SOX6: variants seen among roughly 807,000 people sequenced by gnomAD.
SOX6 encodes the protein transcription factor SOX-6.
A neutral mutation model predicts 97.8 loss-of-function variants in SOX6; 11 were observed. That is an observed-to-expected ratio of 0.11 (90% CI 0.07 to 0.19). The LOEUF (loss-of-function observed/expected upper bound fraction) is 0.19. SOX6 is among the 10% of genes least tolerant of loss of function. SOX6 has a pLI of 1.00. For synonymous variants in SOX6, 360 were observed against 371.4 expected (o/e 0.97, Z 0.35); for missense variants, 810 against 1,039.5 (o/e 0.78, Z 3.04).
chr11:16,150,476 C>G (rs1850431173), intron 6 of SOX6, among the ~76,000 whole-genome samples: 1 of 152,052 alleles, frequency 6.6e-6, no homozygotes. Context: ...TTTTCTTGTC[C>G]ATGCAGCCTA....
At chr11:16,435,569 A>G (rs1236384936) in intron 1 of SOX6, among the ~76,000 whole-genome samples, 1 of 152,086 alleles carries the variant, frequency 6.6e-6, no homozygotes, top group Non-Finnish European at 1.5e-5. Flanking sequence ...GATTCCCTAC[A>G]GGTTTCAAAG....
intron 1 of SOX6, chr11:16,402,989 T>G: frequency 1.6e-6 from 1 of 622,690 alleles, no homozygotes. Context: ...CCCTCACAGA[T>G]GGAAGTTGGA....
chr11:16,225,336 C>T (rs899563086), intron 4 of SOX6, among the ~76,000 whole-genome samples: 1 of 151,714 alleles, frequency 6.6e-6, no homozygotes, highest in African/African-American at 2.4e-5. Context: ...ATAACAATTG[C>T]TGTAAATTTG....
intron 4 of SOX6, among the ~76,000 whole-genome samples, chr11:16,501,702 C>T (rs1407408273): frequency 6.6e-6 from 1 of 152,188 alleles, no homozygotes; most frequent in Non-Finnish European, 1.5e-5. Context: ...CCAAAAGACA[C>T]ATGAACAAAT....
intron 3 of SOX6, among the ~76,000 whole-genome samples, chr11:16,635,058 C>T (rs1214089429): frequency 1.3e-5 from 2 of 152,132 alleles, no homozygotes; most frequent in African/African-American, 4.8e-5. Flanking sequence ...AACATTTTTC[C>T]TTTATAAATT....
intron 4 of SOX6, among the ~76,000 whole-genome samples, chr11:16,187,579 C>A (rs1339133588): frequency 1.3e-5 from 2 of 151,900 alleles, no homozygotes; most frequent in African/African-American, 4.8e-5. Context: ...AGTAAAATTC[C>A]CAAGTTCATC....
intron 4 of SOX6, among the ~76,000 whole-genome samples, chr11:16,224,131 A>G (rs1852619449): frequency 6.6e-6 from 1 of 152,030 alleles, no homozygotes; most frequent in Admixed American, 6.6e-5. Context: ...ATATAAGAAC[A>G]TTTTATAATT....
intron 1 of SOX6, among the ~76,000 whole-genome samples, chr11:16,354,608 A>C (rs140012659): frequency 6.6e-6 from 1 of 152,132 alleles, no homozygotes; most frequent in East Asian, 1.9e-4. Flanking sequence ...TAGAGTCCTG[A>C]GCTGTAGGTG....
chr11:16,640,617 C>T (rs1848894184), intron 3 of SOX6, among the ~76,000 whole-genome samples: 1 of 152,156 alleles, frequency 6.6e-6, no homozygotes, highest in Admixed American at 6.5e-5. Context: ...AGAGATTCAA[C>T]TTCTTCCTGG....
intron 3 of SOX6, among the ~76,000 whole-genome samples, chr11:16,307,126 A>C (rs1315476628): frequency 1.3e-5 from 2 of 152,194 alleles, no homozygotes; most frequent in Non-Finnish European, 2.9e-5. Flanking sequence ...GTAATATAAA[A>C]TGGGGCTTGA....
At chr11:16,029,946 C>T (rs1405055847) in intron 12 of SOX6, among the ~76,000 whole-genome samples, 1 of 152,158 alleles carries the variant, frequency 6.6e-6, no homozygotes, top group African/African-American at 2.4e-5. Flanking sequence ...ATCTGCTTTT[C>T]ACCCTGATTA....
At chr11:16,116,887 C>T (rs911236188) in intron 6 of SOX6, among the ~76,000 whole-genome samples, 7 of 152,270 alleles carry the variant, frequency 4.6e-5, no homozygotes, top group Admixed American at 6.5e-5. Flanking sequence ...AGCCATGCTC[C>T]TTATGAGAAT....
chr11:16,477,847 G>A (rs987623421), upstream of SOX6, among the ~76,000 whole-genome samples: 1 of 152,200 alleles, frequency 6.6e-6, no homozygotes, highest in Non-Finnish European at 1.5e-5. Flanking sequence ...AGTTTCACCA[G>A]TTTCCAGCAA....
intron 1 of SOX6, among the ~76,000 whole-genome samples, chr11:16,364,524 G>A (rs1295968055): frequency 1.3e-5 from 2 of 152,030 alleles, no homozygotes; most frequent in Admixed American, 6.6e-5. Flanking sequence ...TCACTTATAA[G>A]TTATTTGACA....
Position 16,481,815 on chromosome 11 carries a change from A to G in SOX6, n.610-5427T>C, listed in dbSNP as rs550239897. On this transcript the variant is annotated intron_variant and non_coding_transcript_variant, in intron 4 of 5. Transcript: ENST00000524520. ...AAATTATTGAGGGTCACAAAGAGCT[A>G]TTGTTACATTTATCAATACTTACTA... Among the ~76,000 whole-genome samples, 3 of 152,320 alleles carry G rather than the reference A, an allele frequency of 2.0e-5. No individual in the cohort carries two copies. The South Asian group carries it at 6.2e-4, about 32-fold the overall frequency.
intron 13 of SOX6, among the ~76,000 whole-genome samples, chr11:16,009,974 G>C (rs1028915914): frequency 6.6e-6 from 1 of 151,944 alleles, no homozygotes; most frequent in Admixed American, 6.6e-5. Flanking sequence ...CAAAGAATGA[G>C]CAGGATTTTT....
intron 4 of SOX6, among the ~76,000 whole-genome samples, chr11:16,232,176 A>G (rs1304314806): frequency 6.6e-6 from 1 of 151,936 alleles, no homozygotes; most frequent in Non-Finnish European, 1.5e-5. Context: ...GAAAATGAGA[A>G]GTAATTTAGG....
intron 4 of SOX6, among the ~76,000 whole-genome samples, chr11:16,592,387 C>A (rs10741702): frequency 0.74 from 109,995 of 149,568 alleles, 40,641 homozygotes; most frequent in East Asian, 0.95. Flanking sequence ...TGTTTCCTAC[C>A]TTCACTCCAA....
chr11:16,666,702 C>T (rs1847809568), intron 3 of SOX6, among the ~76,000 whole-genome samples: 1 of 152,032 alleles, frequency 6.6e-6, no homozygotes, highest in African/African-American at 2.4e-5. Context: ...GAGGCTGAGG[C>T]AGGAGAATCA....
Sources: allele counts gnomAD v4.1 joint callset (sites outside exome capture counted in the v4.1 genomes callset), GRCh38; gene constraint gnomAD v4.1.1; transcripts MANE v1.5; gene names NCBI Gene and HGNC (gene_info 2026-07-23, HGNC 2026-07-21).